Variants in TET2 observed in about 807,000 individuals in gnomAD.
The protein encoded by TET2 is tet methylcytosine dioxygenase 2.
Under a neutral mutation model 142.9 loss-of-function variants are expected in TET2, and 299 were observed. The ratio of observed to expected loss-of-function variants is 2.09; its 90% CI spans 1.90 to 2.30. The LOEUF (loss-of-function observed/expected upper bound fraction) is 2.30. Ranked by LOEUF, TET2 falls within the 30% of genes most tolerant of loss-of-function variation. The pLI is 0.00. For missense variants in TET2, 2,418 were observed against 2,378.0 expected, an observed-to-expected ratio of 1.02 and a Z score of -0.35; for synonymous variants, 819 against 849.0, an observed-to-expected ratio of 0.96 and a Z score of 0.61.
At chr4:105,163,138 T>G (rs1049640600) in intron 1 of TET2, among the ~76,000 whole-genome samples, 3 of 152,204 alleles carry the variant, frequency 2.0e-5, no homozygotes, top group African/African-American at 7.2e-5. Context: ...TGTAACAAAT[T>G]ATCAGACTTT....
At chr4:105,146,381 G>T, upstream of TET2, 1 of 152,586 alleles carries the variant, frequency 6.6e-6, no homozygotes, top group Non-Finnish European at 1.5e-5. Context: ...GAGGTCCCCG[G>T]GGTTCCCGAG....
intron 2 of TET2, among the ~76,000 whole-genome samples, chr4:105,230,551 T>C (rs575982541): frequency 6.6e-6 from 1 of 152,306 alleles, no homozygotes; most frequent in South Asian, 2.1e-4. Context: ...AAACTGTACC[T>C]TGTTGCAGTT....
rs1406078412 is a variant in TET2 at position 105,146,977 on chromosome 4, G to C, written c.-195G>C. On this transcript the variant is annotated splice_region_variant and 5_prime_UTR_variant, in exon 1 of 11. Transcript: ENST00000380013. ...TGCTGCAAGGCTGAGGGACGAGAAC[G>C]AGGTCAGAGCGCTTCTCTTATGCCG... 2 of 151,282 alleles carry C rather than the reference G, an allele frequency of 1.3e-5. No individual in the cohort carries two copies. The highest frequency in any genetic ancestry group is 4.8e-5 in the African/African-American group (2 of 41,372). The allele number at this position is 151,282 out of a possible 1,614,324, so 9.4% of individuals were successfully genotyped here. A position where few individuals can be genotyped will look rare whatever the true frequency, so the allele number is the denominator to read the frequency against.
At chr4:105,159,546 C>T (rs1327122733) in intron 1 of TET2, among the ~76,000 whole-genome samples, 2 of 152,094 alleles carry the variant, frequency 1.3e-5, no homozygotes, top group African/African-American at 4.8e-5. Flanking sequence ...TGAGCCACCG[C>T]GCCCAGCTAA....
At chr4:105,150,957 G>A (rs774511985) in intron 1 of TET2, among the ~76,000 whole-genome samples, 19 of 152,192 alleles carry the variant, frequency 1.2e-4, no homozygotes, top group Non-Finnish European at 2.1e-4. Flanking sequence ...ACATTGCAGA[G>A]ACTTGCTGAC....
At chr4:105,244,107 G>A (rs1046976503) in intron 6 of TET2, among the ~76,000 whole-genome samples, 2 of 152,154 alleles carry the variant, frequency 1.3e-5, no homozygotes, top group African/African-American at 4.8e-5. Context: ...CACTATATTA[G>A]TATGTATTGA....
rs536522088 is a variant in TET2 at position 105,238,960 on chromosome 4, T to C, written c.3409+1609T>C. On this transcript the variant is annotated intron_variant, in intron 3 of 10. Transcript: ENST00000380013. ...TAATCCATAGGCTGCAGAATCAATG[T>C]TGTATTAACAGGCACGAAAACAGCA... is the stretch of plus-strand genomic sequence containing the variant. 14 of 242,364 alleles carry C rather than the reference T, an allele frequency of 5.8e-5. No individual in the cohort carries two copies. In the South Asian group the frequency reaches 2.6e-3, roughly 44 times the overall value. 15.0% of individuals were successfully genotyped at this position (242,364 alleles called of 1,614,324 possible). A position where few individuals can be genotyped will look rare whatever the true frequency, so the allele number is the denominator to read the frequency against.
At chr4:105,169,816 G>A (rs1724357934) in intron 1 of TET2, among the ~76,000 whole-genome samples, 1 of 152,112 alleles carries the variant, frequency 6.6e-6, no homozygotes, top group African/African-American at 2.4e-5. Flanking sequence ...AGCTATCCCA[G>A]CACCATTTGT....
chr4:105,187,356 A>G (rs2110472026), intron 1 of TET2, among the ~76,000 whole-genome samples: 1 of 152,330 alleles, frequency 6.6e-6, no homozygotes, highest in Non-Finnish European at 1.5e-5. Context: ...GTCTAATCAT[A>G]TACAGGCAAT....
At position 105,243,637 on chromosome 4, in the gene TET2, G is replaced by A. The variant is rs1022416496; in HGVS notation, c.3662G>A (p.Cys1221Tyr). 2.6e-6 allele frequency: 4 copies of A among 1,551,590 alleles called. No individual in the cohort carries two copies. Among genetic ancestry groups the A allele is most frequent in the Non-Finnish European group, 2.6e-6 (3 of 1,146,930 alleles). Reference protein sequence around the residue: ...CLVRERAGHTCEAAVIVILIL... With the variant: ...CLVRERAGHTYEAAVIVILIL... ...GTGCGGGAGCGAGCTGGCCACACCT[G>A]TGAGGCTGCAGTGATTGTGATTCTC... The change falls in exon 6 of 11, where the codon TGT (cysteine) becomes TAT (tyrosine). Residue 1221 changes from cysteine to tyrosine, a missense_variant. Transcript: ENST00000380013.
chr4:105,232,524 CT>C (rs1560539008), intron 2 of TET2, among the ~76,000 whole-genome samples: 1 of 152,072 alleles, frequency 6.6e-6, no homozygotes, highest in Non-Finnish European at 1.5e-5. Context: ...ATGATTAATT[CT>C]TTTAGAGAGT....
At chr4:105,239,728 A>C (rs1167767050) in intron 3 of TET2, 2 of 230,850 alleles carry the variant, frequency 8.7e-6, no homozygotes, top group African/African-American at 4.4e-5. Flanking sequence ...AATTTCCTTC[A>C]AGAATTTTTC....
At chr4:105,161,063 T>A (rs1209525858) in intron 1 of TET2, among the ~76,000 whole-genome samples, 1 of 152,154 alleles carries the variant, frequency 6.6e-6, no homozygotes, top group Admixed American at 6.5e-5. Context: ...TGTTTTTCTT[T>A]AAGTAATACT....
At chr4:105,163,844 AGAGAGAGAGAGTGTGT>A (rs1376457384) in intron 1 of TET2, among the ~76,000 whole-genome samples, 4 of 118,508 alleles carry the variant, frequency 3.4e-5, no homozygotes, top group African/African-American at 1.4e-4. Context: ...AGAGAGAGAG[AGAGAGAGAGAGTGTGT>A]GTGTGTGTGT....
chr4:105,276,622 A>G lies in TET2; in HGVS notation c.*103A>G. On this transcript the variant is annotated 3_prime_UTR_variant, in exon 11 of 11. Coordinates refer to ENST00000380013, the MANE Select transcript of TET2 (RefSeq NM_001127208.3). ...GCAGTGGGGAAAGGTCACAGTATTC[A>G]TGACAAATGTGGTGGGAAAAACCTC... The G allele has an allele frequency of 7.6e-7, 1 of 1,315,684 alleles. No individual in the cohort carries two copies. Among genetic ancestry groups the G allele is most frequent in the Admixed American group, 2.8e-5 (1 of 35,230 alleles). 81.5% of individuals were successfully genotyped at this position (1,315,684 alleles called of 1,614,324 possible).
At chr4:105,238,500 TG>T in intron 3 of TET2, 1 of 247,462 alleles carries the variant, frequency 4.0e-6, no homozygotes, top group Non-Finnish European at 8.5e-6. Flanking sequence ...CTGAATCCTT[TG>T]TTGTCATTTC....
intron 8 of TET2, among the ~76,000 whole-genome samples, chr4:105,267,858 G>GA (rs1157045931): frequency 6.6e-6 from 1 of 151,732 alleles, no homozygotes. Flanking sequence ...GACATAACAG[G>GA]AAAAAATATG....
At chr4:105,198,207 A>G (rs1226790548) in intron 2 of TET2, among the ~76,000 whole-genome samples, 2 of 152,022 alleles carry the variant, frequency 1.3e-5, no homozygotes, top group African/African-American at 2.4e-5. Context: ...GTGGTGGTGC[A>G]TGCCTATAAT....
chr4:105,265,202 T>A (rs1406086084), intron 8 of TET2, among the ~76,000 whole-genome samples: 1 of 152,208 alleles, frequency 6.6e-6, no homozygotes, highest in Non-Finnish European at 1.5e-5. Flanking sequence ...TATTCTCTAT[T>A]TATGCTGTTC....
Sources: allele counts gnomAD v4.1 joint callset (sites outside exome capture counted in the v4.1 genomes callset), GRCh38; gene constraint gnomAD v4.1.1; transcripts MANE v1.5; gene names NCBI Gene and HGNC (gene_info 2026-07-23, HGNC 2026-07-21).